Variants in ZNF559 observed in about 807,000 individuals in gnomAD.
ZNF559 encodes the protein putative protein product of Nbla00121.
ZNF559 carries 17 observed loss-of-function variants against 14.2 expected under a neutral mutation model. That is an observed-to-expected ratio of 1.20 (90% CI 0.82 to 1.80). ZNF559 has a LOEUF of 1.80. Among genes scored for constraint, ZNF559 ranks in the 40% most tolerant of loss-of-function variants. The pLI is 0.00. For synonymous variants in ZNF559, 244 were observed against 212.4 expected, an observed-to-expected ratio of 1.15 and a Z score of -1.29; for missense variants, 740 against 629.7, an observed-to-expected ratio of 1.18 and a Z score of -1.88.
chr19:9,329,692 C>G (rs1037826350), intron 2 of ZNF559, among the ~76,000 whole-genome samples: 1 of 152,148 alleles, frequency 6.6e-6, no homozygotes, highest in Non-Finnish European at 1.5e-5. Context: ...GAGACAGAGT[C>G]TCACTCTGTT....
intron 2 of ZNF559, among the ~76,000 whole-genome samples, chr19:9,327,626 TC>T (rs1169747471): frequency 1.3e-5 from 2 of 152,216 alleles, no homozygotes; most frequent in African/African-American, 4.8e-5. Flanking sequence ...CAGTTTTTTT[TC>T]CTAGTTCTGT....
Position 9,343,113 on chromosome 19 carries a change from C to T in ZNF559, c.*45C>T, listed in dbSNP as rs749340119. ...AAGAATGTGGTAAAGCCACTACTTCCTCACACTTACTGAACATGTACTCAT... is the reference window on the plus strand; with the variant it reads ...AAGAATGTGGTAAAGCCACTACTTCTTCACACTTACTGAACATGTACTCAT... On this transcript the variant is annotated 3_prime_UTR_variant, in exon 7 of 7. Coordinates refer to ENST00000603380, the MANE Select transcript of ZNF559 (RefSeq NM_032497.3). 44 of 1,567,252 alleles carry T rather than the reference C, an allele frequency of 2.8e-5. 1 individual carries two copies. The Middle Eastern group carries it at 5.6e-3, about 201-fold the overall frequency.
chr19:9,330,038 G>GA (rs2066856566), intron 2 of ZNF559: 1 of 152,182 alleles, frequency 6.6e-6, no homozygotes, highest in Non-Finnish European at 1.5e-5. Context: ...ATTGTTGATA[G>GA]ATGATGACTT....
intron 2 of ZNF559, among the ~76,000 whole-genome samples, chr19:9,336,703 A>G (rs997344460): frequency 6.6e-6 from 1 of 152,224 alleles, no homozygotes; most frequent in Non-Finnish European, 1.5e-5. Flanking sequence ...CTCTATCCTA[A>G]GTGTCTAGTA....
intron 2 of ZNF559, among the ~76,000 whole-genome samples, chr19:9,333,950 A>G (rs2067082935): frequency 6.6e-6 from 1 of 150,878 alleles, no homozygotes; most frequent in Non-Finnish European, 1.5e-5. Flanking sequence ...ATCTGCCACT[A>G]CACATATATC....
At chr19:9,337,205 A>C (rs369407209) in intron 2 of ZNF559, among the ~76,000 whole-genome samples, 5 of 152,332 alleles carry the variant, frequency 3.3e-5, no homozygotes, top group African/African-American at 1.2e-4. Context: ...CCAGCCCCTC[A>C]ACAGTTCAAA....
At chr19:9,330,803 C>A (rs1332182820) in intron 2 of ZNF559, among the ~76,000 whole-genome samples, 2 of 152,126 alleles carry the variant, frequency 1.3e-5, no homozygotes, top group Non-Finnish European at 2.9e-5. Context: ...GTCTCCATTT[C>A]TTTTGGGTTG....
In ZNF559 at chr19:9,344,238, CAAAAA is replaced by C. The variant is rs1000179104; in HGVS notation, c.*1173_*1177del. 1.3e-5 allele frequency: 2 copies of C among 150,210 alleles called. No homozygotes were observed. Among genetic ancestry groups the C allele is most frequent in the African/African-American group, 4.9e-5 (2 of 40,834 alleles). 9.3% of individuals were successfully genotyped at this position (150,210 alleles called of 1,614,324 possible). ...CCTGGATGATATGGTAAGACCATCT[CAAAAA>C]AAGAAAAAAAAATTAAAATATCCTC... On this transcript the variant is annotated 3_prime_UTR_variant, in exon 7 of 7. Transcript: ENST00000603380.
intron 1 of ZNF559, 27 bp downstream of exon 1, chr19:9,324,255 C>A (rs1464416797): frequency 2.0e-6 from 3 of 1,535,930 alleles, no homozygotes; most frequent in South Asian, 2.4e-5. Context: ...GGGCGGCGTT[C>A]GGTGGTGTCC....
At chr19:9,333,285 TAG>T (rs1392358191) in intron 2 of ZNF559, among the ~76,000 whole-genome samples, 1 of 152,174 alleles carries the variant, frequency 6.6e-6, no homozygotes, top group Non-Finnish European at 1.5e-5. Context: ...TAGATATTTG[TAG>T]AGTTATGCAT....
At chr19:9,331,664 T>C (rs1211594610) in intron 2 of ZNF559, among the ~76,000 whole-genome samples, 1 of 152,188 alleles carries the variant, frequency 6.6e-6, no homozygotes, top group Non-Finnish European at 1.5e-5. Flanking sequence ...AAAATTGTTC[T>C]TACTGGTATA....
Position 9,345,521 on chromosome 19 carries a change from T to G in ZNF559, c.*2453T>G, listed in dbSNP as rs1230652410. The G allele has an allele frequency of 6.6e-6, 1 of 152,190 alleles. No individual in the cohort carries two copies. The highest frequency in any genetic ancestry group is 1.9e-4 in the East Asian group (1 of 5,200). The allele number at this position is 152,190 out of a possible 1,614,324, so 9.4% of individuals were successfully genotyped here. A position where few individuals can be genotyped will look rare whatever the true frequency, so the allele number is the denominator to read the frequency against. ...TAGGTGTGTAGTAGTATCTCATGGT[T>G]TTAATTTGCATTTCCCTAGTGACTA... On this transcript the variant is annotated 3_prime_UTR_variant, in exon 7 of 7. Transcript: ENST00000603380.
intron 5 of ZNF559, among the ~76,000 whole-genome samples, chr19:9,340,512 C>T (rs192540432): frequency 2.7e-4 from 39 of 142,986 alleles, no homozygotes; most frequent in South Asian, 2.2e-4. Context: ...CTTTTTTGTT[C>T]ACTATAAAGT....
At chr19:9,324,300 G>T in intron 1 of ZNF559, 72 bp downstream of exon 1, 1 of 1,535,876 alleles carries the variant, frequency 6.5e-7, no homozygotes, top group South Asian at 1.2e-5. Context: ...GGGTGGAAAG[G>T]GGAGGTGCCC....
At chr19:9,325,450 G>A (rs10408098) in intron 2 of ZNF559, among the ~76,000 whole-genome samples, 87,098 of 146,696 alleles carry the variant, frequency 0.59, 25,705 homozygotes, top group African/African-American at 0.68. Context: ...TCAAAAAGAA[G>A]AAAAAAAAAC....
rs1417168068 is a variant in ZNF559 at position 9,345,113 on chromosome 19, G to A, written c.*2045G>A. 1.3e-5 allele frequency: 2 copies of A among 152,114 alleles called. No homozygotes were observed. Among genetic ancestry groups the A allele is most frequent in the African/African-American group, 4.8e-5 (2 of 41,402 alleles). 9.4% of individuals were successfully genotyped at this position (152,114 alleles called of 1,614,324 possible). A position where few individuals can be genotyped will look rare whatever the true frequency, so the allele number is the denominator to read the frequency against. The stretch of plus-strand genomic sequence containing the variant: ...GTTTTTATATAAATGGAATCATATA[G>A]TCTGGCATCTTTCAGGATAATTTTT... On this transcript the variant is annotated 3_prime_UTR_variant, in exon 7 of 7. Coordinates refer to ENST00000603380, the MANE Select transcript of ZNF559 (RefSeq NM_032497.3).
chr19:9,340,825 C>T (rs915988096), intron 5 of ZNF559, among the ~76,000 whole-genome samples: 9 of 150,094 alleles, frequency 6.0e-5, no homozygotes, highest in African/African-American at 2.2e-4. Context: ...CCTGTCTTGG[C>T]CTCCCAAAGT....
chr19:9,324,170 C>T (rs765117899), upstream of ZNF559: 66 of 1,535,908 alleles, frequency 4.3e-5, no homozygotes, highest in African/African-American at 8.6e-4. Flanking sequence ...GGCGTGTCTG[C>T]GTGGGCGCAT....
At chr19:9,338,955 G>T (rs966803521) in intron 4 of ZNF559, among the ~76,000 whole-genome samples, 28 of 152,068 alleles carry the variant, frequency 1.8e-4, no homozygotes, top group Non-Finnish European at 3.4e-4. Flanking sequence ...ATAAGAAGAA[G>T]TCACAATCTA....
Sources: allele counts gnomAD v4.1 joint callset (sites outside exome capture counted in the v4.1 genomes callset), GRCh38; gene constraint gnomAD v4.1.1; transcripts MANE v1.5; gene names NCBI Gene and HGNC (gene_info 2026-07-23, HGNC 2026-07-21).